EYS: variants seen among roughly 807,000 people sequenced by gnomAD.
The protein encoded by EYS is protein eyes shut homolog.
In EYS, 250 loss-of-function variants were observed where a neutral mutation model predicts 282.1. The ratio of observed to expected loss-of-function variants is 0.89; its 90% CI spans 0.80 to 0.98. The LOEUF (loss-of-function observed/expected upper bound fraction) is 0.98, where lower values mean the gene tolerates loss of function less well. Among genes scored for constraint, EYS ranks in the 50% least tolerant of loss-of-function variants. EYS has a pLI of 0.00. For missense variants in EYS, 4,016 were observed against 3,709.0 expected, an observed-to-expected ratio of 1.08 and a Z score of -2.15; for synonymous variants, 1,355 against 1,282.9, an observed-to-expected ratio of 1.06 and a Z score of -1.20.
intron 22 of EYS, among the ~76,000 whole-genome samples, chr6:64,663,797 C>T (rs948026187): frequency 1.3e-5 from 2 of 152,146 alleles, no homozygotes; most frequent in Non-Finnish European, 2.9e-5. Context: ...TGCACTCTGA[C>T]CTGGGGTTCT....
intron 4 of EYS, among the ~76,000 whole-genome samples, chr6:65,494,119 C>A (rs908832303): frequency 2.0e-5 from 3 of 152,038 alleles, no homozygotes; most frequent in Admixed American, 6.6e-5. Flanking sequence ...AGATATTTCA[C>A]TATTAAACAT....
chr6:64,388,629 AT>A, intron 29 of EYS, 60 bp downstream of exon 29: 5 of 1,354,830 alleles, frequency 3.7e-6, no homozygotes, highest in Non-Finnish European at 4.9e-6. Flanking sequence ...TCATTTATCA[AT>A]ATGATGATTT....
chr6:65,615,807 G>A (rs1044655879), intron 2 of EYS, among the ~76,000 whole-genome samples: 2 of 151,792 alleles, frequency 1.3e-5, no homozygotes, highest in African/African-American at 2.4e-5. Context: ...GGTGGCGGGC[G>A]CCTGCAGTCC....
At chr6:63,914,204 C>T (rs1230793313) in intron 35 of EYS, among the ~76,000 whole-genome samples, 1 of 152,104 alleles carries the variant, frequency 6.6e-6, no homozygotes, top group Admixed American at 6.5e-5. Flanking sequence ...CTACAATGAC[C>T]TCTAAGTGTT....
chr6:64,698,734 A>G (rs1562141610), intron 22 of EYS, among the ~76,000 whole-genome samples: 1 of 152,222 alleles, frequency 6.6e-6, no homozygotes, highest in Non-Finnish European at 1.5e-5. Context: ...AAAGCTCAAT[A>G]TCAATCATCA....
intron 13 of EYS, among the ~76,000 whole-genome samples, chr6:65,021,313 G>A (rs1266356412): frequency 3.9e-5 from 6 of 152,144 alleles, no homozygotes; most frequent in South Asian, 2.1e-4. Context: ...CAAGTTCAAA[G>A]TTCCACAGAT....
At chr6:64,341,792 G>T (rs1771124077) in intron 29 of EYS, among the ~76,000 whole-genome samples, 1 of 151,362 alleles carries the variant, frequency 6.6e-6, no homozygotes, top group Non-Finnish European at 1.5e-5. Flanking sequence ...CTAACCACTT[G>T]CCCATTAATC....
intron 19 of EYS, among the ~76,000 whole-genome samples, chr6:64,828,685 G>A (rs1462275711): frequency 6.6e-6 from 1 of 151,912 alleles, no homozygotes; most frequent in Admixed American, 6.6e-5. Context: ...CAAGACCAGT[G>A]GCAATCTACA....
intron 26 of EYS, among the ~76,000 whole-genome samples, chr6:64,524,600 T>C (rs1007824998): frequency 1.3e-5 from 2 of 151,908 alleles, no homozygotes; most frequent in African/African-American, 4.8e-5. Context: ...AGGGTTTTTA[T>C]AGTTTTGGGT....
intron 28 of EYS, among the ~76,000 whole-genome samples, chr6:64,396,484 A>G (rs1239924103): frequency 1.3e-5 from 2 of 152,004 alleles, no homozygotes; most frequent in East Asian, 3.9e-4. Context: ...CAATTGATCA[A>G]TCTTTTCCTT....
chr6:64,852,310 C>T (rs1466096581), intron 19 of EYS, among the ~76,000 whole-genome samples: 1 of 152,106 alleles, frequency 6.6e-6, no homozygotes, highest in African/African-American at 2.4e-5. Flanking sequence ...CAGCTGCCAG[C>T]ATGGCCAGGA....
At chr6:64,426,017 G>C (rs942181868) in intron 28 of EYS, among the ~76,000 whole-genome samples, 1 of 152,004 alleles carries the variant, frequency 6.6e-6, no homozygotes, top group Admixed American at 6.6e-5. Flanking sequence ...GATGAGTCTA[G>C]AATTCATAAG....
chr6:65,253,115 A>T (rs952757740), intron 12 of EYS, among the ~76,000 whole-genome samples: 1 of 152,016 alleles, frequency 6.6e-6, no homozygotes, highest in Non-Finnish European at 1.5e-5. Context: ...CAATAAATAC[A>T]GTGAAATCTA....
At chr6:64,726,145 C>A (rs1026628283) in intron 22 of EYS, among the ~76,000 whole-genome samples, 3 of 55,298 alleles carry the variant, frequency 5.4e-5, no homozygotes, top group Non-Finnish European at 2.6e-4. Context: ...CAAAATTCAA[C>A]CAACCCTCGA....
intron 35 of EYS, among the ~76,000 whole-genome samples, chr6:63,967,409 T>C (rs2149780746): frequency 6.6e-6 from 1 of 152,324 alleles, no homozygotes; most frequent in African/African-American, 2.4e-5. Flanking sequence ...TGTGTGGTGT[T>C]AATGGACAAT....
At chr6:64,338,359 A>C (rs541214681) in intron 29 of EYS, among the ~76,000 whole-genome samples, 1 of 151,996 alleles carries the variant, frequency 6.6e-6, no homozygotes, top group South Asian at 2.1e-4. Flanking sequence ...AATCAAATCA[A>C]GAAGTCTACC....
intron 28 of EYS, among the ~76,000 whole-genome samples, chr6:64,394,884 T>C (rs549391746): frequency 6.6e-6 from 1 of 152,352 alleles, no homozygotes; most frequent in Non-Finnish European, 1.5e-5. Flanking sequence ...CCTACTCATC[T>C]GACAAAGGGC....
chr6:65,033,738 A>T (rs1417774919), intron 13 of EYS, among the ~76,000 whole-genome samples: 5 of 152,184 alleles, frequency 3.3e-5, no homozygotes, highest in African/African-American at 1.2e-4. Flanking sequence ...CCTCACAGAG[A>T]ATCACTACTA....
At chr6:64,848,521 T>G (rs947711789) in intron 19 of EYS, among the ~76,000 whole-genome samples, 1 of 152,052 alleles carries the variant, frequency 6.6e-6, no homozygotes. Flanking sequence ...ACAGAGAGAC[T>G]GATAACGAAT....
Sources: allele counts gnomAD v4.1 joint callset (sites outside exome capture counted in the v4.1 genomes callset), GRCh38; gene constraint gnomAD v4.1.1; transcripts MANE v1.5; gene names NCBI Gene and HGNC (gene_info 2026-07-23, HGNC 2026-07-21).